The following FGF14 variants were observed in gnomAD, a reference collection of about 807,000 sequenced individuals.
The protein encoded by FGF14 is fibroblast growth factor homologous factor 4.
A neutral mutation model predicts 25.5 loss-of-function variants in FGF14; 5 were observed. The ratio of observed to expected loss-of-function variants is 0.20; its 90% CI spans 0.10 to 0.41. The LOEUF (loss-of-function observed/expected upper bound fraction) is 0.41. Among genes scored for constraint, FGF14 ranks in the 10% least tolerant of loss-of-function variants. FGF14 has a pLI of 1.00. For synonymous variants in FGF14, 138 were observed against 118.3 expected (o/e 1.17, Z -1.08); for missense variants, 222 against 320.1 (o/e 0.69, Z 2.34).
At chr13:101,871,297 G>T (rs751317525) in intron 2 of FGF14, among the ~76,000 whole-genome samples, 1 of 152,040 alleles carries the variant, frequency 6.6e-6, no homozygotes, top group Non-Finnish European at 1.5e-5. Flanking sequence ...AACTCTGGCC[G>T]CACGTTAAAA....
At chr13:101,778,652 C>T (rs910707466) in intron 3 of FGF14, among the ~76,000 whole-genome samples, 2 of 152,124 alleles carry the variant, frequency 1.3e-5, no homozygotes, top group African/African-American at 4.8e-5. Context: ...GGTTCTGCCC[C>T]ACCTGGCTCT....
chr13:101,976,476 A>G (rs976712404), intron 1 of FGF14, among the ~76,000 whole-genome samples: 2 of 152,236 alleles, frequency 1.3e-5, no homozygotes, highest in African/African-American at 4.8e-5. Context: ...TTTTGAAAAA[A>G]AATCAACTTT....
At chr13:101,749,474 C>A in intron 3 of FGF14, among the ~76,000 whole-genome samples, 1 of 151,824 alleles carries the variant, frequency 6.6e-6, no homozygotes, top group East Asian at 1.9e-4. Context: ...GACAAAAATA[C>A]AGAAATAGAG....
chr13:102,381,184 G>C lies in FGF14; in HGVS notation c.208+20287C>G, dbSNP rs55765511. Among the ~76,000 whole-genome samples, 849 of 152,282 alleles carry C rather than the reference G, an allele frequency of 5.6e-3. 3 individuals are homozygous for C. The highest frequency in any genetic ancestry group is 9.1e-3 in the Non-Finnish European group (622 of 68,022). On this transcript the variant is annotated intron_variant, in intron 1 of 4. Transcript: ENST00000376131. ...ATTGCTTTCATACCACTGTAAAGTT[G>C]AGTAATAGTAAGTCAAACCATTCTA...
upstream of FGF14, among the ~76,000 whole-genome samples, chr13:101,920,969 C>T (rs1215135807): frequency 6.6e-6 from 1 of 152,098 alleles, no homozygotes; most frequent in Non-Finnish European, 1.5e-5. Flanking sequence ...TGATGGTCTC[C>T]TGAAGATGCT....
intron 1 of FGF14, among the ~76,000 whole-genome samples, chr13:102,289,588 GTCT>G (rs2054274433): frequency 6.6e-6 from 1 of 152,088 alleles, no homozygotes; most frequent in East Asian, 1.9e-4. Flanking sequence ...CAAAATACTA[GTCT>G]TCTTTTAGTG....
intron 1 of FGF14, among the ~76,000 whole-genome samples, chr13:102,141,766 A>G (rs2046652794): frequency 6.6e-6 from 1 of 152,202 alleles, no homozygotes. Flanking sequence ...AAAGAAAAAA[A>G]GAGGCAGCTT....
At chr13:102,058,923 A>G (rs2042554527) in intron 1 of FGF14, among the ~76,000 whole-genome samples, 2 of 149,524 alleles carry the variant, frequency 1.3e-5, no homozygotes, top group African/African-American at 5.0e-5. Context: ...TGCTCAACAG[A>G]CCAGGAATTT....
intron 3 of FGF14, among the ~76,000 whole-genome samples, chr13:101,727,099 AT>A (rs2035490518): frequency 6.6e-6 from 1 of 152,172 alleles, no homozygotes; most frequent in African/African-American, 2.4e-5. Context: ...CAACCAGAGT[AT>A]AATCAGAAAG....
chr13:102,235,397 T>G (rs2051282605), intron 1 of FGF14, among the ~76,000 whole-genome samples: 1 of 152,206 alleles, frequency 6.6e-6, no homozygotes, highest in East Asian at 1.9e-4. Flanking sequence ...TTTTGCTTTG[T>G]TCTTTGCTGC....
At chr13:102,099,771 T>C (rs1033887033) in intron 1 of FGF14, among the ~76,000 whole-genome samples, 4 of 152,056 alleles carry the variant, frequency 2.6e-5, no homozygotes, top group African/African-American at 9.7e-5. Flanking sequence ...TTAGTATTTA[T>C]TTAATAAAAT....
chr13:102,329,000 C>T (rs558368099), intron 1 of FGF14, among the ~76,000 whole-genome samples: 1 of 152,118 alleles, frequency 6.6e-6, no homozygotes, highest in South Asian at 2.1e-4. Flanking sequence ...TTTAAGAAGC[C>T]TAGGAGTTCC....
At chr13:101,783,162 G>T (rs905076451) in intron 3 of FGF14, among the ~76,000 whole-genome samples, 1 of 151,968 alleles carries the variant, frequency 6.6e-6, no homozygotes, top group Non-Finnish European at 1.5e-5. Flanking sequence ...GATTGTTGGT[G>T]CATGTATGCC....
At chr13:102,270,856 T>C (rs1332554742) in intron 1 of FGF14, among the ~76,000 whole-genome samples, 1 of 152,218 alleles carries the variant, frequency 6.6e-6, no homozygotes, top group East Asian at 1.9e-4. Context: ...TTTGGGTATA[T>C]ATTCTGTGTA....
At chr13:101,895,828 AT>A (rs1320904697) in intron 1 of FGF14, among the ~76,000 whole-genome samples, 1 of 152,006 alleles carries the variant, frequency 6.6e-6, no homozygotes, top group Admixed American at 6.6e-5. Context: ...ATTCTCACGT[AT>A]TTTTTTTACG....
At position 102,276,345 on chromosome 13, in the gene FGF14, GTGTGTGTGTATATATATA is replaced by G. The variant is rs1469743589; in HGVS notation, c.208+125108_208+125125del. Among the ~76,000 whole-genome samples the G allele has an allele frequency of 1.5e-4, 5 of 33,454 alleles. No homozygotes were observed. The South Asian group carries it at 3.9e-3, about 26-fold the overall frequency. 21.9% of individuals were successfully genotyped at this position (33,454 alleles called of 152,430 possible). On this transcript the variant is annotated intron_variant, in intron 1 of 4. Coordinates refer to the FGF14 transcript ENST00000376131. Reference sequence around the variant, plus strand: ...CACACACACGTACGTGTGTGTGTGTGTGTGTGTGTATATATATATATATATATATATATATACACATTA... The same window carrying G: ...CACACACACGTACGTGTGTGTGTGTGTATATATATATATATATACACATTA...
rs190829763 is a variant in FGF14, at chr13:101,986,301, T to C, written c.209-111005A>G. Among the ~76,000 whole-genome samples the C allele has an allele frequency of 3.2e-3, 492 of 152,258 alleles. 1 individual carries two copies. The highest frequency in any genetic ancestry group is 4.6e-3 in the Non-Finnish European group (315 of 68,010). ...TCCTTTTCTGGAATAAAAGAAAACC[T>C]TTCCGGTTTGTGATGATCCACTCTA... On this transcript the variant is annotated intron_variant, in intron 1 of 4. Transcript: ENST00000376131.
At chr13:102,394,329 C>G (rs954273015) in intron 1 of FGF14, 3 of 152,358 alleles carry the variant, frequency 2.0e-5, no homozygotes, top group Non-Finnish European at 4.4e-5. Flanking sequence ...ATGGGGTGCC[C>G]CCGCGTCAAC....
At chr13:101,904,560 G>A (rs910338279) in intron 1 of FGF14, among the ~76,000 whole-genome samples, 1 of 152,156 alleles carries the variant, frequency 6.6e-6, no homozygotes, top group Non-Finnish European at 1.5e-5. Flanking sequence ...GCTTGTAAAC[G>A]AATGTTCCTG....
Sources: gnomAD v4.1 joint callset for allele counts (sites outside exome capture counted in the v4.1 genomes callset) on GRCh38, gnomAD v4.1.1 for gene constraint, MANE v1.5 for transcripts, NCBI Gene and HGNC (gene_info 2026-07-23, HGNC 2026-07-21) for gene names.